Variants in WASHC5 observed in about 807,000 individuals in gnomAD.
WASHC5 encodes the protein WASH complex subunit 5, also known as WASH complex subunit strumpellin.
Under a neutral mutation model 150.4 loss-of-function variants are expected in WASHC5, and 101 were observed. The ratio of observed to expected loss-of-function variants is 0.67; its 90% confidence interval spans 0.57 to 0.79. The LOEUF is 0.79. Among genes scored for constraint, WASHC5 ranks in the 30% least tolerant of loss-of-function variants. The pLI is 0.00. For synonymous variants in WASHC5, 467 were observed against 491.2 expected (o/e 0.95, Z 0.65); for missense variants, 1,195 against 1,396.3 (o/e 0.86, Z 2.30).
At chr8:125,035,285 C>T (rs571298094) in intron 26 of WASHC5, among the ~76,000 whole-genome samples, 1 of 152,268 alleles carries the variant, frequency 6.6e-6, no homozygotes, top group Non-Finnish European at 1.5e-5. Flanking sequence ...GAGAGTGATA[C>T]TTTCCATAAG....
chr8:125,059,769 T>C (rs974065468), intron 12 of WASHC5, among the ~76,000 whole-genome samples: 10 of 152,230 alleles, frequency 6.6e-5, no homozygotes, highest in African/African-American at 2.2e-4. Context: ...CAACCATGTG[T>C]TGGAATTTGT....
chr8:125,077,373 C>CTCCCAATT (rs1342827460), intron 6 of WASHC5, among the ~76,000 whole-genome samples: 16 of 152,236 alleles, frequency 1.1e-4, no homozygotes, highest in Non-Finnish European at 2.9e-5. Context: ...TGCCCACAAA[C>CTCCCAATT]TCCCAATTTT....
intron 28 of WASHC5, among the ~76,000 whole-genome samples, chr8:125,025,889 C>T (rs879347758): frequency 1.4e-5 from 2 of 146,808 alleles, no homozygotes; most frequent in African/African-American, 2.7e-5. Context: ...ATATTGTGTC[C>T]TTCTCTACCT....
At chr8:125,058,444 T>A (rs1188817852) in intron 14 of WASHC5, among the ~76,000 whole-genome samples, 2 of 152,068 alleles carry the variant, frequency 1.3e-5, no homozygotes, top group African/African-American at 4.8e-5. Flanking sequence ...ACATGGTAGC[T>A]CTGTCAGGAG....
intron 1 of WASHC5, among the ~76,000 whole-genome samples, chr8:125,088,087 G>A (rs1342546860): frequency 6.6e-6 from 1 of 152,068 alleles, no homozygotes; most frequent in African/African-American, 2.4e-5. Context: ...CTGCCTCCTG[G>A]TATTCATGTT....
chr8:125,039,731 C>G, intron 24 of WASHC5, 64 bp downstream of exon 24: 2 of 1,072,494 alleles, frequency 1.9e-6, no homozygotes, highest in South Asian at 2.5e-5. Context: ...ACTGAAGAAA[C>G]TGGGGTGCGT....
chr8:125,075,414 T>C (rs1817025758), intron 7 of WASHC5, among the ~76,000 whole-genome samples: 1 of 147,404 alleles, frequency 6.8e-6, no homozygotes, highest in Non-Finnish European at 1.5e-5. Context: ...TTGCCTGGGA[T>C]ATCTTTTTTT....
Position 125,028,638 on chromosome 8 carries a change from G to C in WASHC5, c.3405C>G (p.Tyr1135Ter). 1 of 1,612,216 alleles carries C rather than the reference G, an allele frequency of 6.2e-7. No homozygotes were observed. The highest frequency in any genetic ancestry group is 8.5e-7 in the Non-Finnish European group (1 of 1,178,326). ...ALLFLEDYVR[Y>*]TKLPRRVAEA... ...CACTTACCCTCCTGGGTAGCTTTGT[G>C]TACCGAACATAATCCTCCAGGAACA... The change falls in exon 28 of 29, where the codon TAC becomes TAG. Residue 1135 changes from tyrosine to a stop codon, truncating the protein, a stop_gained. Transcript: ENST00000318410. LOFTEE classifies it high-confidence loss of function.
chr8:125,060,940 G>A lies in WASHC5; in HGVS notation c.1521+142C>T, dbSNP rs916435404. 3.5e-5 allele frequency: 23 copies of A among 648,660 alleles called. No homozygotes were observed. In the Admixed American group the frequency reaches 3.6e-4, roughly 10 times the overall value. The allele number at this position is 648,660 out of a possible 1,614,324, so 40.2% of individuals were successfully genotyped here. Reference sequence around the variant, plus strand: ...TTTCCCCAAATTTAGGACAGTATACGTTACAGGAAACATATTAATTCACAT... The same window carrying A: ...TTTCCCCAAATTTAGGACAGTATACATTACAGGAAACATATTAATTCACAT... On this transcript the variant is annotated intron_variant, in intron 12 of 28. Coordinates refer to ENST00000318410, the MANE Select transcript of WASHC5 (RefSeq NM_014846.4).
chr8:125,061,060 C>T (rs1442421467), intron 12 of WASHC5, 22 bp downstream of exon 12: 1 of 1,364,960 alleles, frequency 7.3e-7, no homozygotes, highest in South Asian at 1.2e-5. Context: ...CAAGAACCTG[C>T]ATTTAAAAAG....
chr8:125,050,955 C>A (rs1396089083), intron 17 of WASHC5, among the ~76,000 whole-genome samples: 1 of 152,166 alleles, frequency 6.6e-6, no homozygotes, highest in Non-Finnish European at 1.5e-5. Context: ...GCCTCACATT[C>A]TAATTAATGG....
rs777972127 is a variant in WASHC5 at position 125,079,114 on chromosome 8, GTGTA to G, written c.519-188_519-185del. ...TATGTGTATATATATGTGTGTGTGT[GTGTA>G]TATATATATATATATATATATACAT... On this transcript the variant is annotated intron_variant, in intron 5 of 28. Transcript: ENST00000318410. Among the ~76,000 whole-genome samples, 14 of 71,972 alleles carry G rather than the reference GTGTA, an allele frequency of 1.9e-4. 1 individual carries two copies. Among genetic ancestry groups the G allele is most frequent in the African/African-American group, 8.6e-4 (14 of 16,228 alleles). The allele number at this position is 71,972 out of a possible 152,430, so 47.2% of individuals were successfully genotyped here.
chr8:125,030,813 T>A (rs1398002919), intron 27 of WASHC5, among the ~76,000 whole-genome samples: 1 of 152,040 alleles, frequency 6.6e-6, no homozygotes, highest in African/African-American at 2.4e-5. Context: ...AAAAACAGAC[T>A]GGAACACCCA....
intron 1 of WASHC5, among the ~76,000 whole-genome samples, chr8:125,086,052 T>C (rs78244521): frequency 0.027 from 4,111 of 152,276 alleles, 203 homozygotes; most frequent in African/African-American, 0.095. Context: ...AGTCAGCCCA[T>C]ACAGCACCTT....
chr8:125,072,772 A>G (rs1816936914), intron 9 of WASHC5, among the ~76,000 whole-genome samples: 1 of 152,110 alleles, frequency 6.6e-6, no homozygotes, highest in South Asian at 2.1e-4. Context: ...TTCATGTAAT[A>G]TATCTACCGG....
chr8:125,039,042 T>C, intron 24 of WASHC5, 83 bp from the exon 25 acceptor site: 1 of 1,409,356 alleles, frequency 7.1e-7, no homozygotes, highest in Non-Finnish European at 1.0e-6. Flanking sequence ...TGATGTAATC[T>C]TTTCAAGCCT....
At chr8:125,065,274 T>G (rs1226055920) in intron 10 of WASHC5, among the ~76,000 whole-genome samples, 1 of 152,216 alleles carries the variant, frequency 6.6e-6, no homozygotes, top group Admixed American at 6.5e-5. Context: ...AGAACCCAGC[T>G]GAAATGTCAG....
intron 17 of WASHC5, among the ~76,000 whole-genome samples, chr8:125,051,439 A>G (rs1195894662): frequency 1.3e-5 from 2 of 152,236 alleles, no homozygotes; most frequent in Non-Finnish European, 2.9e-5. Context: ...TTGTATTTAA[A>G]TTTCAAATAA....
At chr8:125,066,794 G>T (rs1172216680) in intron 10 of WASHC5, among the ~76,000 whole-genome samples, 1 of 152,034 alleles carries the variant, frequency 6.6e-6, no homozygotes, top group African/African-American at 2.4e-5. Context: ...CACCAAAGAC[G>T]ACTTGATATT....
Sources: gnomAD v4.1 joint callset for allele counts (sites outside exome capture counted in the v4.1 genomes callset) on GRCh38, gnomAD v4.1.1 for gene constraint, MANE v1.5 for transcripts, NCBI Gene and HGNC (gene_info 2026-07-23, HGNC 2026-07-21) for gene names.